Variants in NLGN1 observed in about 807,000 individuals in gnomAD.
The protein encoded by NLGN1 is neuroligin 1, also known as neuroligin-1.
In NLGN1, 12 loss-of-function variants were observed where a neutral mutation model predicts 65.5. The ratio of observed to expected loss-of-function variants is 0.18; its 90% CI spans 0.12 to 0.30. The LOEUF (loss-of-function observed/expected upper bound fraction) is 0.30. Among genes scored for constraint, NLGN1 ranks in the 10% least tolerant of loss-of-function variants. The pLI, the probability that NLGN1 is intolerant of heterozygous loss-of-function variation, is 1.00. For synonymous variants in NLGN1, 350 were observed against 359.5 expected, an observed-to-expected ratio of 0.97 and a Z score of 0.30; for missense variants, 750 against 1,007.1, an observed-to-expected ratio of 0.74 and a Z score of 3.46.
At chr3:173,642,052 A>C (rs1403564770) in intron 3 of NLGN1, among the ~76,000 whole-genome samples, 4 of 151,870 alleles carry the variant, frequency 2.6e-5, no homozygotes, top group Non-Finnish European at 5.9e-5. Flanking sequence ...CTCCATATAT[A>C]TATATATTTT....
intron 4 of NLGN1, among the ~76,000 whole-genome samples, chr3:174,032,423 A>G (rs1730210840): frequency 6.6e-6 from 1 of 152,208 alleles, no homozygotes; most frequent in South Asian, 2.1e-4. Flanking sequence ...CAATGCATAG[A>G]TAAGTTTGAT....
intron 3 of NLGN1, among the ~76,000 whole-genome samples, chr3:173,804,207 G>T (rs2150426033): frequency 6.6e-6 from 1 of 151,992 alleles, no homozygotes; most frequent in East Asian, 1.9e-4. Flanking sequence ...CTTGTGTTTA[G>T]TAAGGCTTAA....
chr3:173,760,152 C>T (rs1430569576), intron 3 of NLGN1, among the ~76,000 whole-genome samples: 1 of 151,912 alleles, frequency 6.6e-6, no homozygotes, highest in Non-Finnish European at 1.5e-5. Flanking sequence ...GAAATTCTGT[C>T]GTCTTGCTCT....
intron 3 of NLGN1, among the ~76,000 whole-genome samples, chr3:173,761,160 A>G (rs1172588232): frequency 6.6e-6 from 1 of 152,040 alleles, no homozygotes; most frequent in Non-Finnish European, 1.5e-5. Context: ...TAGACTGAAT[A>G]TAAGTTAGTG....
chr3:173,478,169 A>G (rs1726585871), intron 2 of NLGN1, among the ~76,000 whole-genome samples: 1 of 152,210 alleles, frequency 6.6e-6, no homozygotes, highest in Non-Finnish European at 1.5e-5. Context: ...CCCATAAATG[A>G]TAGACTGGAT....
In NLGN1 at chr3:174,279,225, T is replaced by C. The variant is rs1428590439; in HGVS notation, c.1224T>C (p.Ala408=). ...TAGATAGCGATGATGGTATATCAGC[T>C]AGTGATTTTGACTTTGCTGTTTCAA... Residue 408 remains alanine, a synonymous_variant, in exon 6 of 7, where the codon GCT becomes GCC. Transcript: ENST00000457714. This position sits in a 1 kb window ranked among gnomAD's most constrained non-coding sequence, Gnocchi z 4.7. 2 of 1,613,244 alleles carry C rather than the reference T, an allele frequency of 1.2e-6. No homozygotes were observed. The highest frequency in any genetic ancestry group is 2.2e-5 in the East Asian group (1 of 44,848).
chr3:173,896,648 C>G (rs1464479820), intron 4 of NLGN1, among the ~76,000 whole-genome samples: 1 of 152,132 alleles, frequency 6.6e-6, no homozygotes, highest in Non-Finnish European at 1.5e-5. Flanking sequence ...TCTGACAGTA[C>G]CTTTACTTTT....
At chr3:173,422,986 C>T (rs753431781) in intron 1 of NLGN1, among the ~76,000 whole-genome samples, 1 of 152,098 alleles carries the variant, frequency 6.6e-6, no homozygotes, top group Non-Finnish European at 1.5e-5. Flanking sequence ...ATTGTCAGTC[C>T]TTTAACTGAC....
chr3:174,175,419 A>C (rs540552604), intron 4 of NLGN1, among the ~76,000 whole-genome samples: 1 of 151,986 alleles, frequency 6.6e-6, no homozygotes, highest in East Asian at 1.9e-4. Context: ...TTTTGTCTTG[A>C]AATCTATTTT....
intron 4 of NLGN1, among the ~76,000 whole-genome samples, chr3:173,945,982 T>G (rs1747072833): frequency 6.6e-6 from 1 of 152,224 alleles, no homozygotes; most frequent in Non-Finnish European, 1.5e-5. Context: ...ATATGATTTT[T>G]GCCTGGTGCC....
At chr3:174,098,137 T>A (rs1711521660) in intron 4 of NLGN1, among the ~76,000 whole-genome samples, 1 of 152,308 alleles carries the variant, frequency 6.6e-6, no homozygotes, top group South Asian at 2.1e-4. Flanking sequence ...CTTCATAATG[T>A]TACTAATTTG....
chr3:173,533,475 G>C (rs1248592379), intron 2 of NLGN1, among the ~76,000 whole-genome samples: 1 of 152,136 alleles, frequency 6.6e-6, no homozygotes, highest in African/African-American at 2.4e-5. Context: ...TCTCTGAGAT[G>C]TGGCAGGTCT....
chr3:173,549,593 T>C (rs1740499777), intron 2 of NLGN1, among the ~76,000 whole-genome samples: 1 of 152,078 alleles, frequency 6.6e-6, no homozygotes, highest in Admixed American at 6.6e-5. Context: ...ACCTTCTCCC[T>C]GAATAAAAAC....
chr3:173,747,948 G>A (rs897642479), intron 3 of NLGN1, among the ~76,000 whole-genome samples: 5 of 150,838 alleles, frequency 3.3e-5, no homozygotes, highest in African/African-American at 1.2e-4. Context: ...TGAGTAGCTG[G>A]GATTATGGGG....
intron 2 of NLGN1, among the ~76,000 whole-genome samples, chr3:173,596,686 A>G (rs1436347315): frequency 6.6e-6 from 1 of 152,148 alleles, no homozygotes; most frequent in Admixed American, 6.5e-5. Context: ...TTAGTTCTCA[A>G]TAGCCTTATG....
chr3:174,221,046 G>A (rs1257759970), intron 4 of NLGN1, among the ~76,000 whole-genome samples: 1 of 152,174 alleles, frequency 6.6e-6, no homozygotes, highest in Admixed American at 6.5e-5. Context: ...ACTGCAGGGA[G>A]TTGGTTCAAT....
intron 4 of NLGN1, among the ~76,000 whole-genome samples, chr3:174,176,119 T>G (rs1729400375): frequency 6.6e-6 from 1 of 151,962 alleles, no homozygotes; most frequent in Non-Finnish European, 1.5e-5. Flanking sequence ...TCAGGCTTGT[T>G]GAATACTTTA....
chr3:173,772,929 A>G (rs1199595744), intron 3 of NLGN1, among the ~76,000 whole-genome samples: 1 of 152,116 alleles, frequency 6.6e-6, no homozygotes, highest in Non-Finnish European at 1.5e-5. Context: ...CATCACCCCA[A>G]ACTCTTTTTG....
chr3:173,699,261 C>T (rs1359296664), intron 3 of NLGN1, among the ~76,000 whole-genome samples: 1 of 152,112 alleles, frequency 6.6e-6, no homozygotes, highest in Non-Finnish European at 1.5e-5. Context: ...CAAGCCTGAA[C>T]ATAAAATAAA....
Sources: allele counts gnomAD v4.1 joint callset (sites outside exome capture counted in the v4.1 genomes callset), GRCh38; gene constraint gnomAD v4.1.1; non-coding constraint Gnocchi (gnomAD v3.1); transcripts MANE v1.5; gene names NCBI Gene and HGNC (gene_info 2026-07-23, HGNC 2026-07-21).